The following NEK6 variants were observed in gnomAD, a reference collection of about 807,000 sequenced individuals.
NEK6 encodes the protein NIMA related kinase 6, also known as serine/threonine-protein kinase Nek6.
Under a neutral mutation model 43.5 loss-of-function variants are expected in NEK6, and 27 were observed. The ratio of observed to expected loss-of-function variants is 0.62; its 90% CI spans 0.46 to 0.86. The LOEUF (loss-of-function observed/expected upper bound fraction) is 0.86. Among genes scored for constraint, NEK6 ranks in the 40% least tolerant of loss-of-function variants. The pLI is 0.00. For synonymous variants in NEK6, 167 were observed against 164.1 expected, an observed-to-expected ratio of 1.02 and a Z score of -0.14; for missense variants, 318 against 414.4, an observed-to-expected ratio of 0.77 and a Z score of 2.02.
intron 1 of NEK6, among the ~76,000 whole-genome samples, chr9:124,296,222 T>G (rs2119093155): frequency 6.6e-6 from 1 of 152,356 alleles, no homozygotes; most frequent in Non-Finnish European, 1.5e-5. Flanking sequence ...GTGCTGCCAG[T>G]ACCATTCGCT....
chr9:124,348,736 A>G (rs535388664), intron 9 of NEK6, among the ~76,000 whole-genome samples: 3 of 152,320 alleles, frequency 2.0e-5, no homozygotes, highest in African/African-American at 7.2e-5. Flanking sequence ...TTTCTGTTCA[A>G]GGTCAACGCT....
intron 7 of NEK6, among the ~76,000 whole-genome samples, chr9:124,335,678 C>T (rs1181425171): frequency 2.0e-5 from 3 of 152,222 alleles, no homozygotes; most frequent in African/African-American, 7.2e-5. Flanking sequence ...CACTATGAGC[C>T]GTCCTGCGCA....
chr9:124,292,523 C>T, intron 1 of NEK6: 1 of 1,537,078 alleles, frequency 6.5e-7, no homozygotes. Context: ...ATTCTAGATG[C>T]TCGCCTGGGA....
intron 7 of NEK6, among the ~76,000 whole-genome samples, chr9:124,329,589 G>A (rs1415985295): frequency 6.6e-6 from 1 of 152,238 alleles, no homozygotes; most frequent in East Asian, 1.9e-4. Flanking sequence ...CCTGGGGCCT[G>A]TCCCCACTCC....
intron 7 of NEK6, among the ~76,000 whole-genome samples, chr9:124,335,358 C>T (rs1253621789): frequency 6.6e-6 from 1 of 152,198 alleles, no homozygotes; most frequent in African/African-American, 2.4e-5. Context: ...TGACTGACAG[C>T]CCTTTCTGCT....
chr9:124,313,144 G>A (rs537879359), intron 3 of NEK6, among the ~76,000 whole-genome samples: 4 of 152,198 alleles, frequency 2.6e-5, no homozygotes, highest in African/African-American at 4.8e-5. Flanking sequence ...CGCTGGGCCC[G>A]TCTGAACACA....
chr9:124,283,332 C>T (rs996951366), intron 1 of NEK6, among the ~76,000 whole-genome samples: 1 of 152,184 alleles, frequency 6.6e-6, no homozygotes, highest in Non-Finnish European at 1.5e-5. Context: ...CTCAGTGGGG[C>T]CTCTTGGGAA....
intron 1 of NEK6, chr9:124,292,490 C>T: frequency 1.3e-6 from 2 of 1,537,110 alleles, no homozygotes; most frequent in Non-Finnish European, 1.7e-6. Flanking sequence ...AAAGCTTTCC[C>T]TGCATGGAGG....
At position 124,352,601 on chromosome 9, in the gene NEK6, CA is replaced by C. The variant is rs1278359654; in HGVS notation, c.*1655del. 5.3e-5 allele frequency: 8 copies of C among 152,028 alleles called. No homozygotes were observed. The highest frequency in any genetic ancestry group is 1.9e-4 in the African/African-American group (8 of 41,378). 9.4% of individuals were successfully genotyped at this position (152,028 alleles called of 1,614,324 possible). ...CCCAAATAATTTTGAAACTCATCAT[CA>C]GCCGAGTTTCTGCCCTCATGAGGTA... On this transcript the variant is annotated 3_prime_UTR_variant, in exon 10 of 10. Coordinates refer to ENST00000320246, the MANE Select transcript of NEK6 (RefSeq NM_014397.6).
intron 2 of NEK6, among the ~76,000 whole-genome samples, chr9:124,306,560 C>G (rs530997788): frequency 9.2e-5 from 14 of 152,222 alleles, no homozygotes; most frequent in South Asian, 2.1e-4. Flanking sequence ...GTTGCTTACT[C>G]AATGCTCTAT....
chr9:124,267,095 T>C (rs73666839), intron 1 of NEK6, among the ~76,000 whole-genome samples: 2,448 of 152,362 alleles, frequency 0.016, 74 homozygotes, highest in African/African-American at 0.055. Flanking sequence ...TTAGAGGGCA[T>C]ATCTTTTGGG....
intron 1 of NEK6, chr9:124,293,117 A>G (rs1832507667): frequency 2.3e-6 from 3 of 1,277,728 alleles, no homozygotes; most frequent in Non-Finnish European, 3.0e-6. Context: ...CCCCAGCTGC[A>G]TTGTGGTCAC....
chr9:124,257,951 G>T lies in NEK6; in HGVS notation c.-164G>T. On this transcript the variant is annotated 5_prime_UTR_variant, in exon 1 of 10. Coordinates refer to ENST00000320246, the MANE Select transcript of NEK6 (RefSeq NM_014397.6). ...CGCGGGCGCGCGGGCCCGCGCAGGC[G>T]GTGGCGGCGGCGGCGGAACCGAGCT... 3 of 978,646 alleles carry T rather than the reference G, an allele frequency of 3.1e-6. No homozygotes were observed. The highest frequency in any genetic ancestry group is 1.8e-5 in the African/African-American group (1 of 56,582). 60.6% of individuals were successfully genotyped at this position (978,646 alleles called of 1,614,324 possible).
At chr9:124,267,657 G>A (rs1178329997) in intron 1 of NEK6, among the ~76,000 whole-genome samples, 1 of 152,212 alleles carries the variant, frequency 6.6e-6, no homozygotes, top group Non-Finnish European at 1.5e-5. Context: ...CACACCAGGT[G>A]CTGGGCCGCC....
chr9:124,313,774 C>T (rs556703830), intron 3 of NEK6, 149 bp from the exon 4 acceptor site: 2 of 719,640 alleles, frequency 2.8e-6, no homozygotes, highest in Admixed American at 2.3e-5. Flanking sequence ...TGAGCAAGCC[C>T]TACAGGGGCT....
In NEK6 at chr9:124,324,191, C is replaced by T. The variant is rs1448330025; in HGVS notation, c.406-2139C>T. ...CCCCTGGATGGCCTCAGGCGGGTCC[C>T]TGTGCCTCAGTTGCCTCATCTGTAA... is the stretch of plus-strand genomic sequence containing the variant. On this transcript the variant is annotated intron_variant, in intron 5 of 9. Transcript: ENST00000320246. This position sits in a 1 kb window ranked among gnomAD's most constrained non-coding sequence, Gnocchi z 5.3. 6.6e-6 allele frequency among the ~76,000 whole-genome samples: 1 copy of T among 152,246 alleles called. No homozygotes were observed. Among genetic ancestry groups the T allele is most frequent in the Non-Finnish European group, 1.5e-5 (1 of 68,032 alleles).
chr9:124,321,596 TG>T, intron 5 of NEK6, 27 bp downstream of exon 5: 1 of 1,412,874 alleles, frequency 7.1e-7, no homozygotes, highest in Non-Finnish European at 1.0e-6. Context: ...GTGGGGGTGC[TG>T]GGGGCTGCGC....
At chr9:124,287,994 G>A (rs1832237766) in intron 1 of NEK6, among the ~76,000 whole-genome samples, 1 of 152,206 alleles carries the variant, frequency 6.6e-6, no homozygotes, top group Non-Finnish European at 1.5e-5. Flanking sequence ...CAGTTTCATT[G>A]TCCTGGTAAC....
chr9:124,331,066 C>T (rs945408929), intron 7 of NEK6, among the ~76,000 whole-genome samples: 1 of 151,916 alleles, frequency 6.6e-6, no homozygotes, highest in Non-Finnish European at 1.5e-5. Flanking sequence ...AGTTTGAGAC[C>T]AGCCTGGCCA....
Sources: allele counts gnomAD v4.1 joint callset (sites outside exome capture counted in the v4.1 genomes callset), GRCh38; gene constraint gnomAD v4.1.1; non-coding constraint Gnocchi (gnomAD v3.1); transcripts MANE v1.5; gene names NCBI Gene and HGNC (gene_info 2026-07-23, HGNC 2026-07-21).